The following PSD3 variants were observed in gnomAD, a reference collection of about 807,000 sequenced individuals.
The protein encoded by PSD3 is PH and SEC7 domain-containing protein 3.
A neutral mutation model predicts 105.5 loss-of-function variants in PSD3; 49 were observed. That is an observed-to-expected ratio of 0.46 (90% CI 0.37 to 0.59). The LOEUF (loss-of-function observed/expected upper bound fraction) is 0.59, where lower values mean the gene tolerates loss of function less well. Among genes scored for constraint, PSD3 ranks in the 20% least tolerant of loss-of-function variants. The pLI, the probability that PSD3 is intolerant of heterozygous loss-of-function variation, is 0.00. For missense variants in PSD3, 1,561 were observed against 1,263.8 expected (o/e 1.24, Z -3.57); for synonymous variants, 557 against 457.8 (o/e 1.22, Z -2.77).
At chr8:18,958,993 T>C (rs1351926220) in intron 1 of PSD3, among the ~76,000 whole-genome samples, 3 of 151,816 alleles carry the variant, frequency 2.0e-5, no homozygotes, top group Non-Finnish European at 2.9e-5. Flanking sequence ...TGATCTTGGC[T>C]CACTGCAACC....
intron 11 of PSD3, among the ~76,000 whole-genome samples, chr8:18,628,364 G>C (rs947694222): frequency 6.6e-5 from 10 of 151,666 alleles, no homozygotes; most frequent in Admixed American, 3.3e-4. Context: ...TGGGTGCAGA[G>C]GAACAAAGAT....
In PSD3 at chr8:18,666,412, C is replaced by T. The variant is rs117826903; in HGVS notation, c.2173-10727G>A. On this transcript the variant is annotated intron_variant, in intron 9 of 15. Coordinates refer to ENST00000327040, the MANE Select transcript of PSD3 (RefSeq NM_015310.4). ...AAAATTCCTGTGGCTTGCTTTATCG[C>T]GGTATTTGTTTTATTGCTGTGGTCT... 2.6e-4 allele frequency among the ~76,000 whole-genome samples: 39 copies of T among 152,250 alleles called. No individual in the cohort carries two copies. In the East Asian group the frequency reaches 4.3e-3, roughly 17 times the overall value.
chr8:19,055,313 G>A lies in PSD3; in HGVS notation c.324+28893C>T, dbSNP rs184662412. 5.3e-5 allele frequency among the ~76,000 whole-genome samples: 8 copies of A among 152,232 alleles called. No homozygotes were observed. The East Asian group carries it at 1.5e-3, about 29-fold the overall frequency. On this transcript the variant is annotated intron_variant, in intron 1 of 1. Transcript: ENST00000521475. ...TTTTTGCCCAGGCTGGAGTGCAATG[G>A]CAGAGTCTCGGCTCACTGCAGTCTC...
chr8:18,669,411 A>C (rs1478560307), intron 9 of PSD3, among the ~76,000 whole-genome samples: 2 of 152,240 alleles, frequency 1.3e-5, no homozygotes, highest in African/African-American at 4.8e-5. Context: ...ATAACTAATA[A>C]TAAAATAGAA....
intron 10 of PSD3, among the ~76,000 whole-genome samples, chr8:18,647,012 T>C (rs1808086078): frequency 6.6e-6 from 1 of 152,184 alleles, no homozygotes; most frequent in African/African-American, 2.4e-5. Flanking sequence ...CCATTGCCTC[T>C]ATCATCCCCC....
At chr8:18,965,018 T>G (rs1291610910) in intron 1 of PSD3, among the ~76,000 whole-genome samples, 1 of 152,218 alleles carries the variant, frequency 6.6e-6, no homozygotes, top group East Asian at 1.9e-4. Context: ...ATAAAAAGGT[T>G]CATTCATGTT....
chr8:18,672,776 G>A (rs768796092), intron 9 of PSD3, among the ~76,000 whole-genome samples: 1 of 152,130 alleles, frequency 6.6e-6, no homozygotes, highest in Non-Finnish European at 1.5e-5. Flanking sequence ...AGCAGAACAT[G>A]GTCTAGTCTG....
intron 1 of PSD3, among the ~76,000 whole-genome samples, chr8:18,995,601 G>A (rs1826034743): frequency 1.3e-5 from 2 of 151,924 alleles, no homozygotes; most frequent in Non-Finnish European, 2.9e-5. Context: ...CTGTTCTCAG[G>A]CTGCTATTAA....
chr8:18,914,567 A>G (rs1387980302), intron 2 of PSD3, among the ~76,000 whole-genome samples: 1 of 152,218 alleles, frequency 6.6e-6, no homozygotes, highest in African/African-American at 2.4e-5. Flanking sequence ...CTATACACTA[A>G]TAACAAACTA....
At chr8:18,710,625 G>C (rs567529556) in intron 9 of PSD3, among the ~76,000 whole-genome samples, 85 of 152,200 alleles carry the variant, frequency 5.6e-4, no homozygotes, top group African/African-American at 2.0e-3. Context: ...AAGCCCATGA[G>C]ACTAACAGTG....
rs1417746950 is a variant in PSD3, at chr8:18,527,723, A to ACC, written c.*8018_*8019dup. 1.3e-5 allele frequency: 2 copies of ACC among 152,652 alleles called. No homozygotes were observed. Among genetic ancestry groups the ACC allele is most frequent in the African/African-American group, 4.8e-5 (2 of 41,458 alleles). The allele number at this position is 152,652 out of a possible 1,614,324, so 9.5% of individuals were successfully genotyped here. Reference sequence around the variant, plus strand: ...AAATTACTGTTCCTTTCAAAAGAAGACCACCACAAACGCCATCGTTTTCTA... The same window carrying ACC: ...AAATTACTGTTCCTTTCAAAAGAAGACCCCACCACAAACGCCATCGTTTTCTA... On this transcript the variant is annotated 3_prime_UTR_variant, in exon 16 of 16. Transcript: ENST00000327040.
chr8:18,771,254 C>A (rs1465648381), intron 8 of PSD3, among the ~76,000 whole-genome samples: 1 of 152,130 alleles, frequency 6.6e-6, no homozygotes, highest in Non-Finnish European at 1.5e-5. Flanking sequence ...GCCACCGCAT[C>A]AGGCTTTTCA....
chr8:18,703,905 A>C (rs1801734607), intron 9 of PSD3, among the ~76,000 whole-genome samples: 1 of 152,220 alleles, frequency 6.6e-6, no homozygotes, highest in Admixed American at 6.5e-5. Context: ...TTTAACCCTG[A>C]AACTACTGCA....
At position 18,622,476 on chromosome 8, in the gene PSD3, C is replaced by G. The variant is rs192722979; in HGVS notation, c.2410+10137G>C. Among the ~76,000 whole-genome samples the G allele has an allele frequency of 7.2e-4, 109 of 152,264 alleles. 2 individuals are homozygous for G. The highest frequency in any genetic ancestry group is 2.5e-3 in the African/African-American group (105 of 41,556). On this transcript the variant is annotated intron_variant, in intron 11 of 15. Coordinates refer to ENST00000327040, the MANE Select transcript of PSD3 (RefSeq NM_015310.4). ...ATTTAACAAACTTAACTATGCCATT[C>G]CATCTTCCCAATATACTTACATAGC...
chr8:18,868,102 A>T, intron 3 of PSD3, 33 bp from the exon 4 acceptor site: 1 of 1,548,972 alleles, frequency 6.5e-7, no homozygotes, highest in Non-Finnish European at 8.7e-7. Flanking sequence ...GAATTCCAAT[A>T]TTAGGTTAAT....
chr8:18,656,489 T>G (rs1426557591), intron 9 of PSD3, among the ~76,000 whole-genome samples: 1 of 125,028 alleles, frequency 8.0e-6, no homozygotes, highest in African/African-American at 3.3e-5. Flanking sequence ...TCGATACCAC[T>G]GACTTAATCC....
rs557325753 is a variant in PSD3 at position 18,595,517 on chromosome 8, G to C, written c.2481+4847C>G. On this transcript the variant is annotated intron_variant, in intron 12 of 15. Coordinates refer to ENST00000327040, the MANE Select transcript of PSD3 (RefSeq NM_015310.4). ...GAGAGAGAGAGAAAAAAAAACCCAA[G>C]TATAAGCTGTCTACAAGAGACTCAC... Among the ~76,000 whole-genome samples, 9 of 147,474 alleles carry C rather than the reference G, an allele frequency of 6.1e-5. No individual in the cohort carries two copies. In the East Asian group the frequency reaches 1.2e-3, roughly 19 times the overall value.
At chr8:19,033,305 C>G (rs1827831704) in intron 1 of PSD3, among the ~76,000 whole-genome samples, 1 of 152,120 alleles carries the variant, frequency 6.6e-6, no homozygotes, top group African/African-American at 2.4e-5. Flanking sequence ...ACCGGACATA[C>G]TAGTTTATTC....
intron 4 of PSD3, among the ~76,000 whole-genome samples, chr8:18,821,718 C>CA (rs1554513426): frequency 0.02 from 1,275 of 64,392 alleles, 18 homozygotes; most frequent in African/African-American, 0.051. Flanking sequence ...CACACACACA[C>CA]CCCAATAACA....
Sources: gnomAD v4.1 joint callset for allele counts (sites outside exome capture counted in the v4.1 genomes callset) on GRCh38, gnomAD v4.1.1 for gene constraint, MANE v1.5 for transcripts, NCBI Gene and HGNC (gene_info 2026-07-23, HGNC 2026-07-21) for gene names.